The following SPTA1 variants were observed in gnomAD, a reference collection of about 807,000 sequenced individuals.
The protein encoded by SPTA1 is spectrin alpha chain, erythrocytic 1.
SPTA1 carries 177 observed loss-of-function variants against 324.7 expected under a neutral mutation model. The ratio of observed to expected loss-of-function variants is 0.55; its 90% CI spans 0.48 to 0.62. The LOEUF is 0.62. Among genes scored for constraint, SPTA1 ranks in the 20% least tolerant of loss-of-function variants. The pLI is 0.00. For synonymous variants in SPTA1, 1,195 were observed against 1,041.3 expected (o/e 1.15, Z -2.84); for missense variants, 3,162 against 2,883.6 (o/e 1.10, Z -2.21).
At chr1:158,622,808 T>G in intron 43 of SPTA1, 175 bp downstream of exon 43, 1 of 644,784 alleles carries the variant, frequency 1.6e-6, no homozygotes, top group South Asian at 1.9e-5. Context: ...TAAAAAAAAT[T>G]TTTAAAGCTT....
At chr1:158,666,891 TAA>T (rs1318469077) in intron 15 of SPTA1, among the ~76,000 whole-genome samples, 4 of 152,208 alleles carry the variant, frequency 2.6e-5, no homozygotes, top group Non-Finnish European at 4.4e-5. Flanking sequence ...TTGAAATTTA[TAA>T]GTTTCTTTTT....
At chr1:158,658,262 A>G (rs1284420608) in intron 18 of SPTA1, among the ~76,000 whole-genome samples, 2 of 152,200 alleles carry the variant, frequency 1.3e-5, no homozygotes, top group Non-Finnish European at 2.9e-5. Context: ...CACTGAATTG[A>G]GGACACAGAG....
rs1266475030 is a variant in SPTA1, at chr1:158,647,710, A to G, written c.3725T>C (p.Leu1242Pro). Residue 1242 changes from leucine (L) to proline (P), a missense_variant, in exon 27 of 52, where the codon CTG becomes CCG. Coordinates refer to ENST00000643759, the MANE Select transcript of SPTA1 (RefSeq NM_003126.4). Reference sequence around the variant, plus strand: ...ACTGAGCCGCTCTGCTGTCTCCCCCAGTATGGTCACCTGGGGAGGTACAAT... The same window carrying G: ...ACTGAGCCGCTCTGCTGTCTCCCCCGGTATGGTCACCTGGGGAGGTACAAT... ...LVPLGDKVTI[L>P]GETAERLSES... 6.2e-7 allele frequency: 1 copy of G among 1,613,850 alleles called. No homozygotes were observed. The highest frequency in any genetic ancestry group is 1.7e-5 in the Admixed American group (1 of 59,952).
chr1:158,617,369 G>T (rs370408111), intron 47 of SPTA1, among the ~76,000 whole-genome samples, 168 bp downstream of exon 47: 130 of 151,618 alleles, frequency 8.6e-4, no homozygotes, highest in African/African-American at 3.0e-3. Flanking sequence ...TTGAAATTCA[G>T]AGATTTAAGT....
intron 15 of SPTA1, among the ~76,000 whole-genome samples, chr1:158,667,118 C>A (rs565859030): frequency 1.3e-5 from 2 of 151,928 alleles, no homozygotes; most frequent in South Asian, 4.2e-4. Context: ...TATTGTCATA[C>A]CAAGTTTGAT....
At chr1:158,666,599 T>C in intron 15 of SPTA1, 102 bp from the exon 16 acceptor site, 1 of 1,044,570 alleles carries the variant, frequency 9.6e-7, no homozygotes, top group South Asian at 1.4e-5. Flanking sequence ...AGTATTTTAA[T>C]ATTGCAAAGA....
At chr1:158,616,040 C>T (rs1301025306) in intron 47 of SPTA1, among the ~76,000 whole-genome samples, 3 of 151,946 alleles carry the variant, frequency 2.0e-5, no homozygotes, top group Non-Finnish European at 4.4e-5. Flanking sequence ...TTGTGGAGTG[C>T]AGTGAAAAAA....
chr1:158,626,003 T>A, intron 42 of SPTA1, 143 bp downstream of exon 42: 1 of 657,286 alleles, frequency 1.5e-6, no homozygotes, highest in Non-Finnish European at 2.6e-6. Flanking sequence ...AAAATAATAA[T>A]TAGGAAATTA....
Position 158,638,253 on chromosome 1 carries a change from C to T in SPTA1, c.4981-12G>A, listed in dbSNP as rs546527783. ...TCCTTGAGTGCATCCTAGAAAGTCT[C>T]GGGATACTCAGTGAATAGTATAGTA... On this transcript the variant is annotated splice_polypyrimidine_tract_variant and intron_variant, in intron 35 of 51. Coordinates refer to ENST00000643759, the MANE Select transcript of SPTA1 (RefSeq NM_003126.4). The T allele has an allele frequency of 2.4e-5, 39 of 1,608,868 alleles. No individual in the cohort carries two copies. Among genetic ancestry groups the T allele is most frequent in the South Asian group, 1.9e-4 (17 of 90,992 alleles).
chr1:158,639,120 T>C (rs1041648243), intron 35 of SPTA1: 1 of 170,056 alleles, frequency 5.9e-6, no homozygotes, highest in African/African-American at 2.4e-5. Context: ...TTTTTATCAC[T>C]GCTCTCAGCA....
intron 37 of SPTA1, 89 bp downstream of exon 37, chr1:158,636,552 C>T (rs904905169): frequency 1.6e-5 from 23 of 1,473,652 alleles, no homozygotes; most frequent in Admixed American, 8.5e-5. Flanking sequence ...CCTATTTTCA[C>T]GTTTTGTAGC....
intron 35 of SPTA1, among the ~76,000 whole-genome samples, chr1:158,638,716 T>A (rs959701878): frequency 8.1e-6 from 1 of 123,854 alleles, no homozygotes; most frequent in African/African-American, 3.3e-5. Flanking sequence ...CTTGGGAGGC[T>A]GAGGCAGGAG....
At position 158,666,485 on chromosome 1, in the gene SPTA1, T is replaced by C; in HGVS notation, c.2051A>G (p.His684Arg). 6.2e-7 allele frequency: 1 copy of C among 1,609,058 alleles called. No individual in the cohort carries two copies. The highest frequency in any genetic ancestry group is 8.5e-7 in the Non-Finnish European group (1 of 1,179,942). The change falls in exon 16 of 52, where the codon CAT becomes CGT. Residue 684 changes from histidine to arginine, a missense_variant. Physicochemically the swap from His to Arg is conservative, Grantham distance 29. Transcript: ENST00000643759. ...AAATTGCAGCTGCTGGTTGGCCTCA[T>C]GCAACTGGGTCCCTGGGAGAAGACA... The part of the protein sequence containing the change: ...EATKQKGTQL[H>R]EANQQLQFEN...
chr1:158,656,805 C>G (rs188834378), intron 19 of SPTA1, 149 bp from the exon 20 acceptor site: 1 of 683,174 alleles, frequency 1.5e-6, no homozygotes, highest in Non-Finnish European at 2.5e-6. Flanking sequence ...CCTAAATTTG[C>G]AAGCATGAAG....
intron 43 of SPTA1, among the ~76,000 whole-genome samples, chr1:158,621,315 T>A (rs530680181): frequency 7.2e-5 from 11 of 152,200 alleles, no homozygotes; most frequent in Admixed American, 7.2e-4. Flanking sequence ...GAATTTTTCA[T>A]TCCCAAATAC....
At chr1:158,615,015 G>T in intron 48 of SPTA1, 1 of 607,584 alleles carries the variant, frequency 1.6e-6, no homozygotes, top group Non-Finnish European at 2.9e-6. Flanking sequence ...AGGCTCAGGT[G>T]GATGGAGAGC....
intron 38 of SPTA1, among the ~76,000 whole-genome samples, chr1:158,635,049 C>A (rs1008421461): frequency 6.7e-6 from 1 of 150,068 alleles, no homozygotes. Flanking sequence ...GATGAAGACA[C>A]CACGAAGTGC....
chr1:158,670,488 A>G lies in SPTA1; in HGVS notation c.1600-702T>C, dbSNP rs1571503995. Among the ~76,000 whole-genome samples the G allele has an allele frequency of 2.0e-5, 3 of 152,310 alleles. No homozygotes were observed. In the South Asian group the frequency reaches 6.2e-4, roughly 32 times the overall value. On this transcript the variant is annotated intron_variant, in intron 12 of 51. Coordinates refer to ENST00000643759, the MANE Select transcript of SPTA1 (RefSeq NM_003126.4). The stretch of plus-strand genomic sequence containing the variant: ...AATTGGACTTCCACCTCTTCACCAT[A>G]TTGATTTAAGATTAACAGAGAAGAC...
At chr1:158,674,215 C>T (rs1310062766) in intron 10 of SPTA1, 114 bp downstream of exon 10, 2 of 1,090,386 alleles carry the variant, frequency 1.8e-6, no homozygotes, top group Non-Finnish European at 2.8e-6. Flanking sequence ...ATATTATTAA[C>T]ACGTTTAAAT....
Sources: allele counts gnomAD v4.1 joint callset (sites outside exome capture counted in the v4.1 genomes callset), GRCh38; gene constraint gnomAD v4.1.1; transcripts MANE v1.5; gene names NCBI Gene and HGNC (gene_info 2026-07-23, HGNC 2026-07-21).